The following MTDH variants were observed in gnomAD, a reference collection of about 807,000 sequenced individuals.
The protein encoded by MTDH is protein LYRIC.
In MTDH, 34 loss-of-function variants were observed where a neutral mutation model predicts 72.7. The observed-to-expected ratio is 0.47, with a 90% confidence interval of 0.36 to 0.62. The LOEUF is 0.62. Among genes scored for constraint, MTDH ranks in the 20% least tolerant of loss-of-function variants. MTDH has a pLI of 0.00. For synonymous variants in MTDH, 266 were observed against 268.9 expected (o/e 0.99, Z 0.10); for missense variants, 677 against 699.4 (o/e 0.97, Z 0.36).
At chr8:97,682,393 G>A (rs1181153459) in intron 2 of MTDH, among the ~76,000 whole-genome samples, 1 of 138,348 alleles carries the variant, frequency 7.2e-6, no homozygotes, top group African/African-American at 2.7e-5. Flanking sequence ...CCGCCTCCCA[G>A]GTTCAAGCGA....
intron 1 of MTDH, among the ~76,000 whole-genome samples, chr8:97,648,165 A>G (rs1359832550): frequency 6.6e-6 from 1 of 152,152 alleles, no homozygotes; most frequent in Non-Finnish European, 1.5e-5. Flanking sequence ...TAATAAAACC[A>G]TGCCATAGAT....
intron 2 of MTDH, among the ~76,000 whole-genome samples, chr8:97,663,282 C>T (rs62521676): frequency 0.15 from 22,826 of 152,050 alleles, 1,947 homozygotes; most frequent in East Asian, 0.33. Context: ...TAAAGTTTAT[C>T]ATCATTACTT....
chr8:97,667,374 C>A (rs1812434910), intron 2 of MTDH, among the ~76,000 whole-genome samples: 1 of 152,086 alleles, frequency 6.6e-6, no homozygotes. Flanking sequence ...TTTATTAAAT[C>A]TTTATTAAAT....
intron 2 of MTDH, among the ~76,000 whole-genome samples, chr8:97,664,096 C>T (rs1812284002): frequency 6.6e-6 from 1 of 152,188 alleles, no homozygotes; most frequent in African/African-American, 2.4e-5. Flanking sequence ...TGGCTCAAGC[C>T]TGTAATCCCA....
chr8:97,706,576 T>A, intron 7 of MTDH, 50 bp from the exon 8 acceptor site: 2 of 1,466,754 alleles, frequency 1.4e-6, no homozygotes, highest in South Asian at 1.4e-5. Context: ...TTTTGCCTTT[T>A]AATTTATGGC....
At chr8:97,684,828 G>A (rs1813294133) in intron 2 of MTDH, among the ~76,000 whole-genome samples, 1 of 152,200 alleles carries the variant, frequency 6.6e-6, no homozygotes, top group Non-Finnish European at 1.5e-5. Flanking sequence ...CCAACACTTT[G>A]GGAGGCCAAG....
chr8:97,693,890 A>AT (rs1190079450), intron 6 of MTDH, among the ~76,000 whole-genome samples: 1 of 149,590 alleles, frequency 6.7e-6, no homozygotes, highest in Non-Finnish European at 1.5e-5. Flanking sequence ...TAATTTTGGT[A>AT]TTTTTTTGTA....
intron 2 of MTDH, among the ~76,000 whole-genome samples, chr8:97,672,928 A>T (rs993624186): frequency 2.6e-5 from 4 of 151,502 alleles, no homozygotes; most frequent in African/African-American, 9.7e-5. Flanking sequence ...ATATTTAAAT[A>T]ATTTAATGAC....
At chr8:97,713,365 A>G (rs561349726) in intron 8 of MTDH, among the ~76,000 whole-genome samples, 20 of 152,284 alleles carry the variant, frequency 1.3e-4, no homozygotes, top group Non-Finnish European at 2.6e-4. Flanking sequence ...GATTACAGGC[A>G]TGAACCACCG....
At position 97,687,627 on chromosome 8, in the gene MTDH, CAGT is replaced by C. The variant is rs778225269; in HGVS notation, c.745+23_745+25del. Reference sequence around the variant, plus strand: ...AAAGGTATATTAGTGGAACATAAGACAGTGGTACATCAAATCAAACTCCTTTTA... The same window carrying C: ...AAAGGTATATTAGTGGAACATAAGACGGTACATCAAATCAAACTCCTTTTA... On this transcript the variant is annotated intron_variant, in intron 4 of 11. Transcript: ENST00000336273. The C allele has an allele frequency of 2.5e-5, 38 of 1,545,798 alleles. 1 individual carries two copies. In the African/African-American group the frequency reaches 4.4e-4, roughly 18 times the overall value.
In MTDH at chr8:97,644,316, G is replaced by A. The variant is rs1228034309; in HGVS notation, c.-191G>A. 4.4e-6 allele frequency: 3 copies of A among 683,178 alleles called. No homozygotes were observed. Among genetic ancestry groups the A allele is most frequent in the Non-Finnish European group, 6.8e-6 (3 of 441,706 alleles). The allele number at this position is 683,178 out of a possible 1,614,324, so 42.3% of individuals were successfully genotyped here. A position where few individuals can be genotyped will look rare whatever the true frequency, so the allele number is the denominator to read the frequency against. ...TGGCGGCGGCGGAGTGAGGCTGACAGCGGGGAACCTGGGAGACCCCTCCGC... is the reference window on the plus strand; with the variant it reads ...TGGCGGCGGCGGAGTGAGGCTGACAACGGGGAACCTGGGAGACCCCTCCGC... On this transcript the variant is annotated 5_prime_UTR_variant, in exon 1 of 12. Coordinates refer to ENST00000336273, the MANE Select transcript of MTDH (RefSeq NM_178812.4).
At position 97,650,968 on chromosome 8, in the gene MTDH, C is replaced by T. The variant is rs150382670; in HGVS notation, c.381+6081C>T. ...GTTCTAATAGTCATTCAGCAAGTATCTGAGTGTCTGCCCATTATCCATATT... is the reference window on the plus strand; with the variant it reads ...GTTCTAATAGTCATTCAGCAAGTATTTGAGTGTCTGCCCATTATCCATATT... On this transcript the variant is annotated intron_variant, in intron 1 of 11. Coordinates refer to ENST00000336273, the MANE Select transcript of MTDH (RefSeq NM_178812.4). Among the ~76,000 whole-genome samples, 705 of 152,316 alleles carry T rather than the reference C, an allele frequency of 4.6e-3. 3 individuals carry two copies. The highest frequency in any genetic ancestry group is 0.016 in the African/African-American group (673 of 41,560).
At chr8:97,663,131 G>A (rs1378053699) in intron 2 of MTDH, among the ~76,000 whole-genome samples, 1 of 151,964 alleles carries the variant, frequency 6.6e-6, no homozygotes. Flanking sequence ...CTCTCTATTA[G>A]TGAGTAATGT....
intron 2 of MTDH, among the ~76,000 whole-genome samples, chr8:97,664,279 A>C (rs940280288): frequency 6.6e-6 from 1 of 151,916 alleles, no homozygotes; most frequent in Non-Finnish European, 1.5e-5. Flanking sequence ...TCACTTGAAC[A>C]CAGGAGGTGG....
In MTDH at chr8:97,687,556, C is replaced by A. The variant is rs375008582; in HGVS notation, c.696C>A (p.Thr232=). Residue 232 remains threonine (T), a synonymous_variant, in exon 4 of 12, where the codon ACC becomes ACA. Transcript: ENST00000336273. ...PGIENTITVT[T]EQLTTASFPV... Reference sequence around the variant, plus strand: ...TAGAAAATACCATCACAGTTACCACCGAGCAACTTACAACCGCATCATTTC... The same window carrying A: ...TAGAAAATACCATCACAGTTACCACAGAGCAACTTACAACCGCATCATTTC... 1 of 1,612,062 alleles carries A rather than the reference C, an allele frequency of 6.2e-7. No homozygotes were observed. The highest frequency in any genetic ancestry group is 1.3e-5 in the African/African-American group (1 of 74,780).
intron 9 of MTDH, among the ~76,000 whole-genome samples, chr8:97,716,805 A>G (rs1358851006): frequency 1.3e-5 from 2 of 152,104 alleles, no homozygotes; most frequent in Non-Finnish European, 1.5e-5. Context: ...CCTGGGCTGA[A>G]GGGATCCTCC....
intron 9 of MTDH, among the ~76,000 whole-genome samples, chr8:97,714,560 A>C (rs1814775661): frequency 4.0e-5 from 6 of 151,822 alleles, no homozygotes; most frequent in Admixed American, 2.6e-4. Context: ...GCCAAAAATC[A>C]CACTACTGTA....
chr8:97,693,182 C>T (rs148564771), intron 6 of MTDH, among the ~76,000 whole-genome samples: 1 of 152,074 alleles, frequency 6.6e-6, no homozygotes, highest in Admixed American at 6.6e-5. Context: ...TATAAGTGCC[C>T]ATTTATCATA....
chr8:97,699,671 C>T (rs893165694), intron 6 of MTDH, 83 bp from the exon 7 acceptor site: 16 of 797,288 alleles, frequency 2.0e-5, no homozygotes, highest in African/African-American at 1.2e-4. Context: ...ATAAAGTCTC[C>T]GTGTCAAAGT....
Sources: allele counts gnomAD v4.1 joint callset (sites outside exome capture counted in the v4.1 genomes callset), GRCh38; gene constraint gnomAD v4.1.1; transcripts MANE v1.5; gene names NCBI Gene and HGNC (gene_info 2026-07-23, HGNC 2026-07-21).